PTPRS: variants seen among roughly 807,000 people sequenced by gnomAD.
The protein encoded by PTPRS is receptor-type tyrosine-protein phosphatase S.
Under a neutral mutation model 215.3 loss-of-function variants are expected in PTPRS, and 63 were observed. The observed-to-expected ratio is 0.29, with a 90% CI of 0.24 to 0.36. The LOEUF (loss-of-function observed/expected upper bound fraction) is 0.36, where lower values mean the gene tolerates loss of function less well. PTPRS is among the 10% of genes least tolerant of loss of function. PTPRS has a pLI of 1.00. For missense variants in PTPRS, 2,258 were observed against 2,825.8 expected, an observed-to-expected ratio of 0.80 and a Z score of 4.56; for synonymous variants, 1,404 against 1,191.4, an observed-to-expected ratio of 1.18 and a Z score of -3.68.
At chr19:5,220,206 C>CA in intron 21 of PTPRS, 52 bp from the exon 22 acceptor site, 2 of 1,608,586 alleles carry the variant, frequency 1.2e-6, no homozygotes, top group Middle Eastern at 3.3e-4. Flanking sequence ...AGCAACAGAG[C>CA]ACGTGAAAAC....
Position 5,293,203 on chromosome 19 carries a change from C to T in PTPRS, c.-94-6969G>A, listed in dbSNP as rs952478364. On this transcript the variant is annotated intron_variant, in intron 1 of 37. Coordinates refer to ENST00000262963, the MANE Select transcript of PTPRS (RefSeq NM_002850.4). This position sits in a 1 kb window ranked among gnomAD's most constrained non-coding sequence, Gnocchi z 8.4. ...CTCCACAGGGCCCGCCGCAGCCGCT[C>T]CCCGCGTCCCTCGGTCCGCCCGGAG... 1 of 151,704 alleles carries T rather than the reference C, an allele frequency of 6.6e-6. No homozygotes were observed. Among genetic ancestry groups the T allele is most frequent in the Non-Finnish European group, 1.5e-5 (1 of 67,802 alleles). 9.4% of individuals were successfully genotyped at this position (151,704 alleles called of 1,614,324 possible).
Position 5,222,742 on chromosome 19 carries a change from C to A in PTPRS, c.3050G>T (p.Gly1017Val). Residue 1017 changes from glycine to valine, a missense_variant, in exon 18 of 38, where the codon GGC becomes GTC. By Grantham distance (109) the Gly-to-Val change is moderately radical. This residue lies in a region of PTPRS where 361 missense variants were observed against 332.6 expected (regional missense o/e 1.09). Coordinates refer to ENST00000262963, the MANE Select transcript of PTPRS (RefSeq NM_002850.4). Reference protein sequence around the residue: ...DLQVRAHTRRGPGPFSPPVRY... With the variant: ...DLQVRAHTRRVPGPFSPPVRY... ...GACGGGGGGGCTGAAGGGGCCAGGG[C>A]CCCGGCGCGTGTGGGCTCGCACTTG... The A allele has an allele frequency of 6.3e-7, 1 of 1,598,040 alleles. No individual in the cohort carries two copies. The highest frequency in any genetic ancestry group is 1.7e-4 in the Middle Eastern group (1 of 6,022).
intron 1 of PTPRS, among the ~76,000 whole-genome samples, chr19:5,311,626 G>T (rs142012653): frequency 2.0e-5 from 3 of 152,314 alleles, no homozygotes; most frequent in Non-Finnish European, 4.4e-5. Context: ...GAAAGAAAAA[G>T]AACATTCCTG....
intron 9 of PTPRS, among the ~76,000 whole-genome samples, chr19:5,249,952 G>C (rs572684260): frequency 6.6e-6 from 1 of 152,126 alleles, no homozygotes; most frequent in Non-Finnish European, 1.5e-5. Flanking sequence ...TAATTTGCAA[G>C]GTACCTTTAA....
In PTPRS at chr19:5,205,571, C is replaced by T. The variant is rs189813099; in HGVS notation, c.*1203G>A. 5.3e-5 allele frequency among the ~76,000 whole-genome samples: 8 copies of T among 152,308 alleles called. No homozygotes were observed. Among genetic ancestry groups the T allele is most frequent in the Non-Finnish European group, 7.4e-5 (5 of 68,026 alleles). The stretch of plus-strand genomic sequence containing the variant: ...CATACACGGGGGTGGGAAAACCACC[C>T]GGCTGCTTCCGCTGGAATAAACAGT... On this transcript the variant is annotated 3_prime_UTR_variant, in exon 38 of 38. Transcript: ENST00000262963.
chr19:5,258,143 A>G lies in PTPRS; in HGVS notation c.596-16T>C, dbSNP rs745757108. 8.1e-6 allele frequency: 13 copies of G among 1,608,248 alleles called. 1 individual carries two copies. In the South Asian group the frequency reaches 1.1e-4, roughly 14 times the overall value. On this transcript the variant is annotated splice_polypyrimidine_tract_variant and intron_variant, in intron 7 of 37. Transcript: ENST00000262963. ...TGCAGGGCTCCTGTGGGAAGATGGG[A>G]AAAAGCTTGGTCTGTTAGAGGGGGG...
At position 5,286,242 on chromosome 19, in the gene PTPRS, G is replaced by A. The variant is rs775600148; in HGVS notation, c.-94-8C>T. ...CGTCAGATGGGGCAACGTCTGCAGA[G>A]ACAATGGAGGGCTGTGAGAGGCGAG... is the stretch of plus-strand genomic sequence containing the variant. On this transcript the variant is annotated splice_polypyrimidine_tract_variant and splice_region_variant and intron_variant, in intron 1 of 37. Transcript: ENST00000262963. 7.8e-6 allele frequency: 10 copies of A among 1,286,348 alleles called. No homozygotes were observed. The highest frequency in any genetic ancestry group is 1.1e-5 in the Non-Finnish European group (10 of 909,836). 79.7% of individuals were successfully genotyped at this position (1,286,348 alleles called of 1,614,324 possible). A position where few individuals can be genotyped will look rare whatever the true frequency, so the allele number is the denominator to read the frequency against.
At position 5,338,061 on chromosome 19, in the gene PTPRS, G is replaced by A. The variant is rs1297989719; in HGVS notation, c.-95+2603C>T. Among the ~76,000 whole-genome samples the A allele has an allele frequency of 2.0e-5, 3 of 152,048 alleles. No individual in the cohort carries two copies. Among genetic ancestry groups the A allele is most frequent in the Non-Finnish European group, 4.4e-5 (3 of 68,008 alleles). On this transcript the variant is annotated intron_variant, in intron 1 of 37. Coordinates refer to ENST00000262963, the MANE Select transcript of PTPRS (RefSeq NM_002850.4). This position sits in a 1 kb window ranked among gnomAD's most constrained non-coding sequence, Gnocchi z 4.2. ...CTGCCAACCAGTAGCACCCTCCAGC[G>A]CCTCAGCCGGGCCACGCCAAAATGA...
intron 4 of PTPRS, among the ~76,000 whole-genome samples, chr19:5,265,811 G>A (rs921871240): frequency 6.6e-6 from 1 of 151,556 alleles, no homozygotes; most frequent in Non-Finnish European, 1.5e-5. Flanking sequence ...GGTGCTCCTG[G>A]AATGGACTGG....
Position 5,211,613 on chromosome 19 carries a change from G to A in PTPRS, c.5211C>T (p.Asn1737=), listed in dbSNP as rs115796999. The A allele has an allele frequency of 4.0e-3, 6,485 of 1,610,196 alleles. 132 individuals are homozygous for A. Among genetic ancestry groups the A allele is most frequent in the Admixed American group, 0.031 (1,832 of 59,936 alleles). Residue 1737 remains asparagine (N), a synonymous_variant, in exon 33 of 38, where the codon AAC becomes AAT. Coordinates refer to ENST00000262963, the MANE Select transcript of PTPRS (RefSeq NM_002850.4). ...IRGVEGSDYI[N]ASFIDGYRQQ... Reference sequence around the variant, plus strand: ...ACCTGTAGCCATCAATGAAGCTGGCGTTGATGTAGTCAGAGCCCTCCACAC... The same window carrying A: ...ACCTGTAGCCATCAATGAAGCTGGCATTGATGTAGTCAGAGCCCTCCACAC...
chr19:5,337,802 C>T (rs2050553947), intron 1 of PTPRS, among the ~76,000 whole-genome samples: 1 of 152,122 alleles, frequency 6.6e-6, no homozygotes, highest in African/African-American at 2.4e-5. Context: ...GGAAAATGGA[C>T]TTGTGTCTCC....
chr19:5,215,511 G>C lies in PTPRS; in HGVS notation c.4181C>G (p.Ser1394Cys), dbSNP rs2041344527. ...RLKANDSLKL[S>C]QEYESIDPGQ... is the part of the protein sequence containing the mutation. ...GGGTGGGCTCACCTCATACTCCTGG[G>C]AGAGCTTGAGGCTGTCGTTGGCCTT... Residue 1394 changes from serine to cysteine, a missense_variant, in exon 27 of 38, where the codon TCC (serine) becomes TGC (cysteine). By Grantham distance (112) the Ser-to-Cys change is moderately radical (BLOSUM62 -1). Around this residue, in one of 6 missense-constraint regions of PTPRS, gnomAD observed 927 missense variants for 1,125.9 expected, o/e 0.82. Coordinates refer to ENST00000262963, the MANE Select transcript of PTPRS (RefSeq NM_002850.4). 1 of 1,611,776 alleles carries C rather than the reference G, an allele frequency of 6.2e-7. No individual in the cohort carries two copies. Among genetic ancestry groups the C allele is most frequent in the African/African-American group, 1.3e-5 (1 of 74,902 alleles).
chr19:5,334,993 G>A (rs372338475), intron 1 of PTPRS, among the ~76,000 whole-genome samples: 13 of 152,182 alleles, frequency 8.5e-5, no homozygotes, highest in East Asian at 1.9e-4. Context: ...TGCTGATCAC[G>A]GGGGTTAATT....
chr19:5,231,845 G>C (rs1163581464), intron 13 of PTPRS, among the ~76,000 whole-genome samples: 1 of 152,212 alleles, frequency 6.6e-6, no homozygotes, highest in Non-Finnish European at 1.5e-5. Flanking sequence ...GGCTGGCCAA[G>C]AACCCTGTGC....
In PTPRS at chr19:5,244,049, G is replaced by A; in HGVS notation, c.1422C>T (p.Asn474=). The A allele has an allele frequency of 1.2e-6, 2 of 1,610,348 alleles. No homozygotes were observed. The highest frequency in any genetic ancestry group is 8.5e-7 in the Non-Finnish European group (1 of 1,179,922). ...TGTCGTCCACGTTGTGCTTCTGCCAGTTGCCCACGGGGTGCTCCGGTTCCA... is the reference window on the plus strand; with the variant it reads ...TGTCGTCCACGTTGTGCTTCTGCCAATTGCCCACGGGGTGCTCCGGTTCCA... ...YTMEPEHPVG[N]WQKHNVDDSL... is the part of the protein sequence containing the mutation. Residue 474 remains asparagine (N), a synonymous_variant, in exon 11 of 38, where the codon AAC becomes AAT. Coordinates refer to ENST00000262963, the MANE Select transcript of PTPRS (RefSeq NM_002850.4). This position sits in a 1 kb window ranked among gnomAD's most constrained non-coding sequence, Gnocchi z 7.2.
rs1249795617 is a variant in PTPRS at position 5,339,333 on chromosome 19, C to G, written c.-95+1331G>C. On this transcript the variant is annotated intron_variant, in intron 1 of 37. Transcript: ENST00000262963. This position sits in a 1 kb window ranked among gnomAD's most constrained non-coding sequence, Gnocchi z 4.2. Reference sequence around the variant, plus strand: ...TGAGGAAGGGTTGCAGAGGAAGGGGCGTTCTTGGAAGCTGCATATTTAGGG... The same window carrying G: ...TGAGGAAGGGTTGCAGAGGAAGGGGGGTTCTTGGAAGCTGCATATTTAGGG... Among the ~76,000 whole-genome samples the G allele has an allele frequency of 2.6e-5, 4 of 151,730 alleles. No individual in the cohort carries two copies. Among genetic ancestry groups the G allele is most frequent in the Admixed American group, 2.6e-4 (4 of 15,244 alleles).
chr19:5,309,187 A>G (rs972866793), intron 1 of PTPRS, among the ~76,000 whole-genome samples: 1 of 152,056 alleles, frequency 6.6e-6, no homozygotes, highest in Non-Finnish European at 1.5e-5. Context: ...TGGTGAGCAG[A>G]GTGTGCAGGC....
chr19:5,274,037 G>T (rs1373508936), intron 3 of PTPRS, among the ~76,000 whole-genome samples, 162 bp downstream of exon 3: 1 of 152,226 alleles, frequency 6.6e-6, no homozygotes, highest in Non-Finnish European at 1.5e-5. Flanking sequence ...GAGCAAGTAA[G>T]GCGGGCAGGG....
intron 1 of PTPRS, among the ~76,000 whole-genome samples, chr19:5,304,464 A>C (rs1374425905): frequency 6.6e-6 from 1 of 151,360 alleles, no homozygotes; most frequent in East Asian, 1.9e-4. Context: ...GCGAAAAGAA[A>C]CTCTGTCTCA....
Sources: gnomAD v4.1 joint callset for allele counts (sites outside exome capture counted in the v4.1 genomes callset) on GRCh38, gnomAD v4.1.1 for gene constraint, gnomAD v4.1.1 regional missense constraint, Gnocchi (gnomAD v3.1) non-coding constraint, MANE v1.5 for transcripts, NCBI Gene and HGNC (gene_info 2026-07-23, HGNC 2026-07-21) for gene names.